Variants in GLI3 observed in about 807,000 individuals in gnomAD.
The protein encoded by GLI3 is transcription activator GLI3.
Under a neutral mutation model 100.8 loss-of-function variants are expected in GLI3, and 20 were observed. The ratio of observed to expected loss-of-function variants is 0.20; its 90% confidence interval spans 0.14 to 0.29. The LOEUF (loss-of-function observed/expected upper bound fraction) is 0.29. Among genes scored for constraint, GLI3 ranks in the 10% least tolerant of loss-of-function variants. The pLI is 1.00. For missense variants in GLI3, 2,040 were observed against 2,128.5 expected (o/e 0.96, Z 0.82); for synonymous variants, 938 against 860.5 (o/e 1.09, Z -1.58).
At position 42,170,784 on chromosome 7, in the gene GLI3, A is replaced by G. The variant is rs576607398; in HGVS notation, c.125-22316T>C. 1.3e-3 allele frequency among the ~76,000 whole-genome samples: 202 copies of G among 152,230 alleles called. 1 individual carries two copies. Among genetic ancestry groups the G allele is most frequent in the African/African-American group, 4.7e-3 (194 of 41,550 alleles). ...AAAGAGATGCCAGCACTCTCACCAC[A>G]ATTGCCACAATCAAGTATTTGCTTG... On this transcript the variant is annotated intron_variant, in intron 2 of 14. Transcript: ENST00000395925.
chr7:42,130,152 C>G (rs1053942664), intron 3 of GLI3, among the ~76,000 whole-genome samples: 1 of 152,132 alleles, frequency 6.6e-6, no homozygotes, highest in African/African-American at 2.4e-5. Flanking sequence ...TCCCCAGAAT[C>G]AAGCCCTCTT....
In GLI3 at chr7:42,045,439, T is replaced by G. The variant is rs781240508; in HGVS notation, c.771A>C (p.Ser257=). Residue 257 remains serine, a synonymous_variant, in exon 6 of 15, where the codon TCA becomes TCC. Coordinates refer to ENST00000395925, the MANE Select transcript of GLI3 (RefSeq NM_000168.6). The part of the protein sequence containing the change: ...QRSPYADIIP[S]AATAGTGAIH... ...TGGCCCCCGTGCCGGCGGTGGCAGC[T>G]GAGGGAATAATGTCTGCATAGGGGC... 3 of 1,613,846 alleles carry G rather than the reference T, an allele frequency of 1.9e-6. No homozygotes were observed. The East Asian group carries it at 6.7e-5, about 36-fold the overall frequency.
chr7:42,197,070 C>T (rs939294615), intron 2 of GLI3, among the ~76,000 whole-genome samples: 2 of 152,196 alleles, frequency 1.3e-5, no homozygotes, highest in Non-Finnish European at 2.9e-5. Context: ...CTTAGGCCTT[C>T]CTGGCCCCTG....
chr7:41,964,756 G>A lies in GLI3; in HGVS notation c.4317C>T (p.Tyr1439=). 2 of 1,613,894 alleles carry A rather than the reference G, an allele frequency of 1.2e-6. No homozygotes were observed. The highest frequency in any genetic ancestry group is 1.1e-5 in the South Asian group (1 of 91,086). ...PHPLCSNLQN[Y]SGQFYDQTVG... ...CGGTTTGGTCATAGAACTGACCAGA[G>A]TAATTCTGCAGATTAGAGCACAGCG... Residue 1439 remains tyrosine (Y), a synonymous_variant, in exon 15 of 15, where the codon TAC becomes TAT. Transcript: ENST00000395925.
At chr7:42,035,313 G>C (rs556519793) in intron 7 of GLI3, among the ~76,000 whole-genome samples, 1 of 152,338 alleles carries the variant, frequency 6.6e-6, no homozygotes, top group South Asian at 2.1e-4. Context: ...CCCTGCCTCA[G>C]GCAGCATCAG....
intron 3 of GLI3, among the ~76,000 whole-genome samples, chr7:42,112,893 C>T (rs559346934): frequency 4.6e-5 from 7 of 152,210 alleles, no homozygotes; most frequent in Admixed American, 1.3e-4. Context: ...ATAAATAGGG[C>T]CGGGTGTAGT....
intron 2 of GLI3, among the ~76,000 whole-genome samples, chr7:42,157,478 C>T (rs983241959): frequency 2.6e-5 from 4 of 152,176 alleles, no homozygotes; most frequent in African/African-American, 9.6e-5. Flanking sequence ...ACCACAGCCC[C>T]AGGAGTTCAC....
At chr7:41,969,938 C>G (rs941638987) in intron 13 of GLI3, among the ~76,000 whole-genome samples, 2 of 152,076 alleles carry the variant, frequency 1.3e-5, no homozygotes, top group Admixed American at 6.5e-5. Flanking sequence ...TTATGGAAAC[C>G]TAGACAGATA....
At chr7:41,970,632 C>T (rs1787339570) in intron 13 of GLI3, among the ~76,000 whole-genome samples, 1 of 152,070 alleles carries the variant, frequency 6.6e-6, no homozygotes, top group South Asian at 2.1e-4. Flanking sequence ...TGAGCCAAAT[C>T]GCTGTAATTT....
intron 2 of GLI3, among the ~76,000 whole-genome samples, chr7:42,164,500 CAGAT>C (rs1167645649): frequency 1.3e-5 from 2 of 151,436 alleles, no homozygotes; most frequent in Non-Finnish European, 2.9e-5. Flanking sequence ...GCCTGAAAGA[CAGAT>C]AAAGACCTTG....
chr7:42,255,338 G>GCTTTA (rs1789074866), intron 1 of GLI3, among the ~76,000 whole-genome samples: 6 of 152,070 alleles, frequency 3.9e-5, no homozygotes, highest in Non-Finnish European at 8.8e-5. Context: ...AGTATAATTT[G>GCTTTA]CATTCCATGA....
At chr7:42,072,527 A>T (rs1396994069) in intron 4 of GLI3, among the ~76,000 whole-genome samples, 1 of 152,226 alleles carries the variant, frequency 6.6e-6, no homozygotes, top group Non-Finnish European at 1.5e-5. Flanking sequence ...TTTAATTATT[A>T]CTGTGGAAAG....
chr7:42,123,966 C>T (rs1170649544), intron 3 of GLI3, among the ~76,000 whole-genome samples: 6 of 152,176 alleles, frequency 3.9e-5, no homozygotes, highest in Non-Finnish European at 8.8e-5. Flanking sequence ...GGTTCTGTTA[C>T]TACAGTTTAA....
At chr7:42,224,906 G>T (rs891908496) in intron 1 of GLI3, among the ~76,000 whole-genome samples, 1 of 152,178 alleles carries the variant, frequency 6.6e-6, no homozygotes. Context: ...CTTTGGGCGG[G>T]AGGAAGTAAC....
At chr7:42,255,756 A>C (rs1789079458) in intron 1 of GLI3, among the ~76,000 whole-genome samples, 1 of 152,200 alleles carries the variant, frequency 6.6e-6, no homozygotes, top group Non-Finnish European at 1.5e-5. Flanking sequence ...GATGATGAAT[A>C]ATGCTTCGAT....
At chr7:42,255,763 C>T (rs912739829) in intron 1 of GLI3, among the ~76,000 whole-genome samples, 2 of 152,080 alleles carry the variant, frequency 1.3e-5, no homozygotes, top group South Asian at 2.1e-4. Context: ...AATAATGCTT[C>T]GATGGACAGT....
In GLI3 at chr7:42,261,785, G is replaced by T. The variant is rs138704975; in HGVS notation, c.-43+2209C>A. 4.8e-4 allele frequency among the ~76,000 whole-genome samples: 73 copies of T among 152,264 alleles called. 1 individual carries two copies. The South Asian group carries it at 0.011, about 23-fold the overall frequency. On this transcript the variant is annotated intron_variant, in intron 1 of 2. Coordinates refer to the GLI3 transcript ENST00000678978. ...TGATAAAGTATTCTTTAAAGATAGA[G>T]ATTTAAGTGAATTGAAAAGTGAGTT...
intron 4 of GLI3, among the ~76,000 whole-genome samples, chr7:42,049,897 C>A (rs1784319487): frequency 6.6e-6 from 1 of 152,170 alleles, no homozygotes; most frequent in Non-Finnish European, 1.5e-5. Context: ...ACAGCAAATT[C>A]CTCTTCCACC....
chr7:42,225,723 G>A (rs1314879295), intron 1 of GLI3, among the ~76,000 whole-genome samples: 2 of 152,174 alleles, frequency 1.3e-5, no homozygotes, highest in Non-Finnish European at 2.9e-5. Context: ...TGAAGTCTTT[G>A]CTGACCTGAT....
Sources: allele counts gnomAD v4.1 joint callset (sites outside exome capture counted in the v4.1 genomes callset), GRCh38; gene constraint gnomAD v4.1.1; transcripts MANE v1.5; gene names NCBI Gene and HGNC (gene_info 2026-07-23, HGNC 2026-07-21).